CNTN4: variants seen among roughly 807,000 people sequenced by gnomAD.
The protein encoded by CNTN4 is contactin 4.
CNTN4 carries 77 observed loss-of-function variants against 122.5 expected under a neutral mutation model. The ratio of observed to expected loss-of-function variants is 0.63; its 90% CI spans 0.52 to 0.76. The LOEUF (loss-of-function observed/expected upper bound fraction) is 0.76, where lower values mean the gene tolerates loss of function less well. Among genes scored for constraint, CNTN4 ranks in the 30% least tolerant of loss-of-function variants. The probability of loss-of-function intolerance (pLI) is 0.00; values close to 1 mark genes in which losing one functional copy is unlikely to be tolerated. For synonymous variants in CNTN4, 512 were observed against 447.0 expected (o/e 1.15, Z -1.83); for missense variants, 1,256 against 1,259.1 (o/e 1.00, Z 0.04).
At chr3:2,431,137 A>G (rs986488261) in intron 3 of CNTN4, among the ~76,000 whole-genome samples, 1 of 152,218 alleles carries the variant, frequency 6.6e-6, no homozygotes, top group African/African-American at 2.4e-5. Context: ...TGTTTGTAAT[A>G]TGAAAAAATC....
intron 3 of CNTN4, among the ~76,000 whole-genome samples, chr3:2,433,290 C>T (rs2048143825): frequency 6.6e-6 from 1 of 152,166 alleles, no homozygotes; most frequent in African/African-American, 2.4e-5. Flanking sequence ...TTCTCCACAC[C>T]TTTGCCAACA....
chr3:2,482,443 C>A (rs925203989), intron 3 of CNTN4, among the ~76,000 whole-genome samples: 12 of 151,278 alleles, frequency 7.9e-5, no homozygotes, highest in African/African-American at 1.2e-4. Context: ...AAAAAAAAAA[C>A]CATTTTCTGG....
At chr3:2,643,460 C>T (rs538965854) in intron 4 of CNTN4, among the ~76,000 whole-genome samples, 71 of 152,256 alleles carry the variant, frequency 4.7e-4, no homozygotes, top group African/African-American at 1.7e-3. Flanking sequence ...TCCTGAGCCA[C>T]AGTGCCCAGC....
chr3:2,472,693 A>T (rs1289308983), intron 3 of CNTN4, among the ~76,000 whole-genome samples: 1 of 152,226 alleles, frequency 6.6e-6, no homozygotes, highest in African/African-American at 2.4e-5. Context: ...TAAACTAGAA[A>T]TGAATCCTTA....
chr3:2,494,171 A>G (rs2076391730), intron 3 of CNTN4, among the ~76,000 whole-genome samples: 1 of 152,198 alleles, frequency 6.6e-6, no homozygotes, highest in African/African-American at 2.4e-5. Context: ...GTTTAGCCAA[A>G]TATAAGTGAC....
At position 2,534,287 on chromosome 3, in the gene CNTN4, T is replaced by G. The variant is rs1157845728; in HGVS notation, c.-88-37129T>G. On this transcript the variant is annotated intron_variant, in intron 3 of 24. Coordinates refer to ENST00000418658, the MANE Select transcript of CNTN4 (RefSeq NM_175607.3). ...CATCTTGAATTAATTTTTGTATAAGTTGTAAGGAAGGGATCCAGTTTCAGC... is the reference window on the plus strand; with the variant it reads ...CATCTTGAATTAATTTTTGTATAAGGTGTAAGGAAGGGATCCAGTTTCAGC... Among the ~76,000 whole-genome samples the G allele has an allele frequency of 5.9e-5, 9 of 152,250 alleles. No individual in the cohort carries two copies. The South Asian group carries it at 1.0e-3, about 18-fold the overall frequency.
Position 2,247,588 on chromosome 3 carries a change from T to C in CNTN4, c.-144-91590T>C, listed in dbSNP as rs556040903. Among the ~76,000 whole-genome samples the C allele has an allele frequency of 3.9e-5, 6 of 152,134 alleles. No homozygotes were observed. The South Asian group carries it at 8.3e-4, about 21-fold the overall frequency. On this transcript the variant is annotated intron_variant, in intron 2 of 24. Coordinates refer to ENST00000418658, the MANE Select transcript of CNTN4 (RefSeq NM_175607.3). ...GAATTTCTTGTCATATTCGGGAACA[T>C]TTTTGATTAAAAGGAAAATTGCTAA...
intron 7 of CNTN4, among the ~76,000 whole-genome samples, chr3:2,845,535 C>G (rs1306276575): frequency 1.3e-5 from 2 of 152,082 alleles, no homozygotes; most frequent in Non-Finnish European, 2.9e-5. Context: ...TTTATGGTTT[C>G]CCACTTCTAG....
At chr3:2,394,633 T>C (rs2046570544) in intron 3 of CNTN4, among the ~76,000 whole-genome samples, 1 of 152,176 alleles carries the variant, frequency 6.6e-6, no homozygotes, top group Non-Finnish European at 1.5e-5. Context: ...AGGGTATAAA[T>C]TGGTGCAATT....
chr3:2,114,912 G>A lies in CNTN4; in HGVS notation c.-145+14273G>A, dbSNP rs528428021. 1.0e-3 allele frequency among the ~76,000 whole-genome samples: 159 copies of A among 152,334 alleles called. 1 individual carries two copies. The highest frequency in any genetic ancestry group is 3.7e-3 in the African/African-American group (152 of 41,578). ...TTGCTGTCCTCAGACATTATTAAAG[G>A]AAATTTAATGCTGTTTGACAACATT... On this transcript the variant is annotated intron_variant, in intron 2 of 24. Coordinates refer to ENST00000418658, the MANE Select transcript of CNTN4 (RefSeq NM_175607.3).
At chr3:2,622,368 T>A (rs2082022489) in intron 4 of CNTN4, among the ~76,000 whole-genome samples, 1 of 152,318 alleles carries the variant, frequency 6.6e-6, no homozygotes, top group Middle Eastern at 3.4e-3. Flanking sequence ...CTCTGCTCAC[T>A]GCAACTTCTG....
At chr3:2,126,900 C>G (rs1295636161) in intron 2 of CNTN4, among the ~76,000 whole-genome samples, 1 of 152,136 alleles carries the variant, frequency 6.6e-6, no homozygotes, top group Non-Finnish European at 1.5e-5. Flanking sequence ...TCTGGGAAAG[C>G]TGCACAAGTG....
At chr3:2,747,202 G>A (rs1009599835) in intron 6 of CNTN4, among the ~76,000 whole-genome samples, 2 of 152,004 alleles carry the variant, frequency 1.3e-5, no homozygotes, top group African/African-American at 4.8e-5. Flanking sequence ...GAGGTCAGGA[G>A]ATCGAGACCA....
chr3:2,499,483 G>A (rs1457999750), intron 3 of CNTN4, among the ~76,000 whole-genome samples: 5 of 152,108 alleles, frequency 3.3e-5, no homozygotes, highest in Admixed American at 2.0e-4. Flanking sequence ...CTAAAGAGGT[G>A]AAAATTATGG....
intron 2 of CNTN4, among the ~76,000 whole-genome samples, chr3:2,245,753 A>G (rs377402256): frequency 4.6e-5 from 7 of 152,024 alleles, no homozygotes; most frequent in East Asian, 3.8e-4. Flanking sequence ...TTTTATTCTC[A>G]TTGGTCACAT....
At chr3:2,419,445 C>G (rs1051691299) in intron 3 of CNTN4, among the ~76,000 whole-genome samples, 9 of 152,204 alleles carry the variant, frequency 5.9e-5, no homozygotes, top group African/African-American at 2.2e-4. Context: ...TTTATTTGTT[C>G]CTAGGCAGGG....
chr3:2,503,596 A>G (rs1183658119), intron 3 of CNTN4, among the ~76,000 whole-genome samples: 4 of 152,186 alleles, frequency 2.6e-5, no homozygotes, highest in Non-Finnish European at 5.9e-5. Context: ...TCAGGCTCAC[A>G]CAGTTAGTAA....
At chr3:2,264,450 T>C (rs570907268) in intron 2 of CNTN4, among the ~76,000 whole-genome samples, 1 of 152,110 alleles carries the variant, frequency 6.6e-6, no homozygotes, top group Admixed American at 6.6e-5. Flanking sequence ...CCTTTGCCTA[T>C]TTTTTAATGA....
At chr3:2,483,610 T>G (rs1333929844) in intron 3 of CNTN4, among the ~76,000 whole-genome samples, 1 of 152,136 alleles carries the variant, frequency 6.6e-6, no homozygotes, top group East Asian at 1.9e-4. Context: ...GGGAGGTAAT[T>G]GATTCATGGG....
Sources: gnomAD v4.1 joint callset for allele counts (sites outside exome capture counted in the v4.1 genomes callset) on GRCh38, gnomAD v4.1.1 for gene constraint, MANE v1.5 for transcripts, NCBI Gene and HGNC (gene_info 2026-07-23, HGNC 2026-07-21) for gene names.